The following GLIS3 variants were observed in gnomAD, a reference collection of about 807,000 sequenced individuals.
GLIS3 encodes GLIS family zinc finger 3.
Under a neutral mutation model 78.6 loss-of-function variants are expected in GLIS3, and 53 were observed. The ratio of observed to expected loss-of-function variants is 0.67; its 90% CI spans 0.54 to 0.85. The LOEUF (loss-of-function observed/expected upper bound fraction) is 0.85. GLIS3 is among the 40% of genes least tolerant of loss of function. GLIS3 has a pLI of 0.00. For synonymous variants in GLIS3, 684 were observed against 509.9 expected, an observed-to-expected ratio of 1.34 and a Z score of -4.60; for missense variants, 1,703 against 1,231.1, an observed-to-expected ratio of 1.38 and a Z score of -5.74.
intron 2 of GLIS3, among the ~76,000 whole-genome samples, chr9:4,194,408 A>C (rs2131232636): frequency 6.6e-6 from 1 of 152,340 alleles, no homozygotes; most frequent in Middle Eastern, 3.4e-3. Flanking sequence ...AAAAAATTAG[A>C]ATGTTGAAAC....
At chr9:4,358,005 A>T in the GLIS3 span, among the ~76,000 whole-genome samples, 1 of 152,172 alleles carries the variant, frequency 6.6e-6, no homozygotes, top group Admixed American at 6.5e-5. Context: ...TTTGTTTTTT[A>T]AAAAATAAGA....
At chr9:3,965,188 CTTTTCTTTTTTT>C (rs1237719645) in intron 4 of GLIS3, among the ~76,000 whole-genome samples, 2 of 98,998 alleles carry the variant, frequency 2.0e-5, no homozygotes, top group Non-Finnish European at 4.0e-5. Context: ...TCTTTCTTTT[CTTTTCTTTTTTT>C]TTTTTTTTTT....
chr9:3,832,680 G>A (rs538880469), intron 9 of GLIS3, among the ~76,000 whole-genome samples: 9 of 152,294 alleles, frequency 5.9e-5, no homozygotes, highest in African/African-American at 2.2e-4. Flanking sequence ...GAAAACGTTA[G>A]CATAAACCGC....
the GLIS3 span, among the ~76,000 whole-genome samples, chr9:4,480,621 T>C: frequency 6.6e-6 from 1 of 152,114 alleles, no homozygotes; most frequent in Non-Finnish European, 1.5e-5. Context: ...ATTTTCAAAA[T>C]TCCTCTGTAA....
chr9:4,468,537 A>G, the GLIS3 span, among the ~76,000 whole-genome samples: 4 of 152,274 alleles, frequency 2.6e-5, no homozygotes, highest in African/African-American at 4.8e-5. Context: ...GCCAAACTAA[A>G]CTTCGTAAGT....
chr9:4,277,118 C>G (rs772479618), intron 2 of GLIS3, among the ~76,000 whole-genome samples: 16 of 152,188 alleles, frequency 1.1e-4, no homozygotes, highest in Admixed American at 1.1e-3. Context: ...CCAATCTCCA[C>G]TATTATCCCA....
intron 2 of GLIS3, among the ~76,000 whole-genome samples, chr9:4,167,611 T>C (rs565156473): frequency 1.2e-4 from 18 of 152,266 alleles, no homozygotes; most frequent in African/African-American, 4.3e-4. Context: ...TCCTGGTACA[T>C]AAAGTGAGGA....
chr9:4,449,993 G>T, the GLIS3 span, among the ~76,000 whole-genome samples: 1 of 152,138 alleles, frequency 6.6e-6, no homozygotes, highest in African/African-American at 2.4e-5. Flanking sequence ...GAGGGGGAAT[G>T]ACTTTGATTA....
intron 4 of GLIS3, among the ~76,000 whole-genome samples, chr9:4,108,907 GT>G: frequency 6.6e-6 from 1 of 152,246 alleles, no homozygotes; most frequent in Non-Finnish European, 1.5e-5. Flanking sequence ...ACAACCTTGG[GT>G]GGCTCAAACC....
At chr9:3,900,185 T>C (rs1746573596) in intron 6 of GLIS3, among the ~76,000 whole-genome samples, 1 of 134,832 alleles carries the variant, frequency 7.4e-6, no homozygotes, top group African/African-American at 2.7e-5. Context: ...ACAGAAACTG[T>C]TAAAAAAAAA....
chr9:3,892,438 G>A (rs1372310646), intron 7 of GLIS3, among the ~76,000 whole-genome samples: 1 of 152,172 alleles, frequency 6.6e-6, no homozygotes, highest in Non-Finnish European at 1.5e-5. Context: ...ATAAAAGCCA[G>A]TATTCTGGGA....
At chr9:4,351,062 T>C (rs1218948387), upstream of GLIS3, among the ~76,000 whole-genome samples, 1 of 152,158 alleles carries the variant, frequency 6.6e-6, no homozygotes, top group Non-Finnish European at 1.5e-5. Context: ...TTCACTTCTC[T>C]GTATAATAAT....
intron 2 of GLIS3, among the ~76,000 whole-genome samples, chr9:4,276,278 G>GA (rs1826971236): frequency 7.6e-6 from 1 of 130,864 alleles, no homozygotes; most frequent in Admixed American, 8.4e-5. Context: ...TGAAAGAAAA[G>GA]AAAAAAATGA....
chr9:3,889,946 C>T (rs1407084972), intron 7 of GLIS3, among the ~76,000 whole-genome samples: 1 of 152,168 alleles, frequency 6.6e-6, no homozygotes, highest in Non-Finnish European at 1.5e-5. Flanking sequence ...GACTAGGGAA[C>T]TGTTTTTGAA....
At position 4,064,005 on chromosome 9, in the gene GLIS3, G is replaced by A. The variant is rs542146625; in HGVS notation, c.1710+53763C>T. Among the ~76,000 whole-genome samples the A allele has an allele frequency of 6.6e-5, 10 of 152,154 alleles. 1 individual carries two copies. In the South Asian group the frequency reaches 2.1e-3, roughly 32 times the overall value. ...TTCCAGATGTCAAATATATTTCAAA[G>A]ACTTTTTTTTTCAACTCTGAAATGT... On this transcript the variant is annotated intron_variant, in intron 4 of 10. Transcript: ENST00000381971.
chr9:4,133,825 TACAC>T (rs138728219), intron 2 of GLIS3, among the ~76,000 whole-genome samples: 2,715 of 121,700 alleles, frequency 0.022, 39 homozygotes, highest in Admixed American at 0.047. Context: ...CAAGACCTTC[TACAC>T]ACACACACAC....
At chr9:3,871,717 G>T (rs914241250) in intron 8 of GLIS3, among the ~76,000 whole-genome samples, 8 of 152,200 alleles carry the variant, frequency 5.3e-5, no homozygotes, top group South Asian at 2.1e-4. Flanking sequence ...CCAGGCCCTG[G>T]AGACCACTTT....
the GLIS3 span, among the ~76,000 whole-genome samples, chr9:4,416,281 C>G: frequency 2.0e-5 from 2 of 98,808 alleles, no homozygotes; most frequent in East Asian, 3.0e-4. Flanking sequence ...AAAAAAAAAG[C>G]ATGCAAATTG....
chr9:3,890,781 A>G (rs1015519934), intron 7 of GLIS3, among the ~76,000 whole-genome samples: 3 of 152,018 alleles, frequency 2.0e-5, no homozygotes, highest in African/African-American at 7.2e-5. Context: ...CAACAAACCC[A>G]CCAACAACAC....
Sources: gnomAD v4.1 joint callset for allele counts (sites outside exome capture counted in the v4.1 genomes callset) on GRCh38, gnomAD v4.1.1 for gene constraint, MANE v1.5 for transcripts, NCBI Gene and HGNC (gene_info 2026-07-23, HGNC 2026-07-21) for gene names.